EFR3B: variants seen among roughly 807,000 people sequenced by gnomAD.
EFR3B encodes EFR3 homolog B.
In EFR3B, 64 loss-of-function variants were observed where a neutral mutation model predicts 104.7. That is an observed-to-expected ratio of 0.61 (90% confidence interval 0.50 to 0.75). The LOEUF is 0.75. Ranked by LOEUF, EFR3B falls within the 30% of genes least tolerant of loss-of-function variation. The pLI is 0.00. For synonymous variants in EFR3B, 385 were observed against 417.9 expected, an observed-to-expected ratio of 0.92 and a Z score of 0.96; for missense variants, 750 against 1,078.5, an observed-to-expected ratio of 0.70 and a Z score of 4.27.
intron 1 of EFR3B, chr2:25,081,758 T>A (rs1408831981): frequency 6.8e-6 from 3 of 440,400 alleles, no homozygotes; most frequent in Non-Finnish European, 1.2e-5. Context: ...TTTTAGATTT[T>A]AAAATCAGTG....
At chr2:25,111,871 C>T (rs1464283958) in intron 4 of EFR3B, among the ~76,000 whole-genome samples, 1 of 152,202 alleles carries the variant, frequency 6.6e-6, no homozygotes, top group Non-Finnish European at 1.5e-5. Context: ...TCCCCAGAAC[C>T]CCCAGAAGGA....
At chr2:25,062,752 C>T (rs1007089917) in intron 1 of EFR3B, among the ~76,000 whole-genome samples, 1 of 152,208 alleles carries the variant, frequency 6.6e-6, no homozygotes, top group African/African-American at 2.4e-5. Flanking sequence ...GAGGCCCATA[C>T]GGCAGGGCCA....
At chr2:25,132,178 T>C (rs1338463984) in intron 10 of EFR3B, among the ~76,000 whole-genome samples, 1 of 152,172 alleles carries the variant, frequency 6.6e-6, no homozygotes. Context: ...TTCACGGACC[T>C]CGGAGAGAAT....
intron 4 of EFR3B, among the ~76,000 whole-genome samples, chr2:25,104,563 G>C (rs1275211646): frequency 1.3e-5 from 2 of 152,180 alleles, no homozygotes; most frequent in Non-Finnish European, 2.9e-5. Flanking sequence ...GCTTTCTTTT[G>C]AGGGCAGGAA....
In EFR3B at chr2:25,042,159, C is replaced by A; in HGVS notation, c.-154C>A. On this transcript the variant is annotated 5_prime_UTR_variant, in exon 1 of 23. Coordinates refer to ENST00000403714, the MANE Select transcript of EFR3B (RefSeq NM_014971.2). The surrounding 1 kb of genome is among the most constrained non-coding windows in gnomAD (Gnocchi z 5.4). ...GCGGCGCCCGGCTCCGTCCTGCCCG[C>A]GGCCGGCCCCCGCGTCTGCTCCCTC... The A allele has an allele frequency of 2.9e-6, 2 of 689,238 alleles. No homozygotes were observed. The highest frequency in any genetic ancestry group is 4.0e-6 in the Non-Finnish European group (2 of 506,310). 42.7% of individuals were successfully genotyped at this position (689,238 alleles called of 1,614,324 possible).
chr2:25,109,117 T>C (rs1669648893), intron 4 of EFR3B, among the ~76,000 whole-genome samples: 2 of 151,798 alleles, frequency 1.3e-5, no homozygotes, highest in African/African-American at 4.8e-5. Flanking sequence ...ACCAATCATA[T>C]ATCTAATAAG....
intron 1 of EFR3B, chr2:25,079,883 A>G: frequency 2.3e-6 from 3 of 1,281,610 alleles, no homozygotes; most frequent in East Asian, 2.4e-5. Flanking sequence ...ACCTTCAGCC[A>G]TCCTCTGGGT....
chr2:25,156,239 C>T lies in EFR3B; in HGVS notation c.*1899C>T, dbSNP rs1011702433. ...CATAGTTTTGGCACTTCAAATGAAGCTCTTCCTTGTGGTCACCATCTCTGC... is the reference window on the plus strand; with the variant it reads ...CATAGTTTTGGCACTTCAAATGAAGTTCTTCCTTGTGGTCACCATCTCTGC... On this transcript the variant is annotated 3_prime_UTR_variant, in exon 23 of 23. Coordinates refer to ENST00000403714, the MANE Select transcript of EFR3B (RefSeq NM_014971.2). 2.7e-5 allele frequency: 4 copies of T among 150,422 alleles called. No homozygotes were observed. Among genetic ancestry groups the T allele is most frequent in the Non-Finnish European group, 5.9e-5 (4 of 67,844 alleles). 9.3% of individuals were successfully genotyped at this position (150,422 alleles called of 1,614,324 possible).
At chr2:25,082,633 T>C (rs1435570932) in intron 1 of EFR3B, among the ~76,000 whole-genome samples, 1 of 152,176 alleles carries the variant, frequency 6.6e-6, no homozygotes, top group Non-Finnish European at 1.5e-5. Context: ...GCTTTTCTGC[T>C]CGATCACACT....
intron 1 of EFR3B, among the ~76,000 whole-genome samples, chr2:25,062,247 C>T (rs958059483): frequency 3.9e-5 from 6 of 152,120 alleles, no homozygotes; most frequent in Non-Finnish European, 5.9e-5. Flanking sequence ...TGTAAGAATA[C>T]ATGCAAAAAC....
At position 25,104,214 on chromosome 2, in the gene EFR3B, A is replaced by G. The variant is rs572776669; in HGVS notation, c.363+427A>G. Among the ~76,000 whole-genome samples the G allele has an allele frequency of 3.2e-4, 49 of 152,004 alleles. No individual in the cohort carries two copies. In the South Asian group the frequency reaches 1.0e-2, roughly 31 times the overall value. ...AATACAAAAAAAAACAAAAACAAAAATTAGCCGGATGTCATGGCACACACC... is the reference window on the plus strand; with the variant it reads ...AATACAAAAAAAAACAAAAACAAAAGTTAGCCGGATGTCATGGCACACACC... On this transcript the variant is annotated intron_variant, in intron 4 of 22. Coordinates refer to ENST00000403714, the MANE Select transcript of EFR3B (RefSeq NM_014971.2).
At chr2:25,105,972 G>A (rs771838568) in intron 4 of EFR3B, among the ~76,000 whole-genome samples, 4 of 152,250 alleles carry the variant, frequency 2.6e-5, no homozygotes, top group Non-Finnish European at 5.9e-5. Context: ...GCTATTGTCA[G>A]TGAGTTAAGT....
chr2:25,046,006 T>A (rs1049520162), intron 1 of EFR3B, among the ~76,000 whole-genome samples: 2 of 152,160 alleles, frequency 1.3e-5, no homozygotes, highest in Non-Finnish European at 2.9e-5. Flanking sequence ...CACCTCTGAG[T>A]GCTGCCTCAT....
intron 1 of EFR3B, among the ~76,000 whole-genome samples, chr2:25,083,704 G>A (rs1030307985): frequency 6.6e-6 from 1 of 152,302 alleles, no homozygotes; most frequent in East Asian, 1.9e-4. Flanking sequence ...CCCAGGAAGT[G>A]TGGAGTATTG....
At chr2:25,084,682 C>T (rs1668901956) in intron 1 of EFR3B, among the ~76,000 whole-genome samples, 1 of 152,140 alleles carries the variant, frequency 6.6e-6, no homozygotes, top group Non-Finnish European at 1.5e-5. Flanking sequence ...AGACATCAAT[C>T]AATATATGTA....
At chr2:25,151,534 G>C (rs898074730) in intron 20 of EFR3B, among the ~76,000 whole-genome samples, 3 of 152,144 alleles carry the variant, frequency 2.0e-5, no homozygotes, top group African/African-American at 7.2e-5. Flanking sequence ...GGGATTACAA[G>C]TGTGAGCCAC....
Position 25,114,364 on chromosome 2 carries a change from C to A in EFR3B, c.364-7309C>A, listed in dbSNP as rs1208257265. On this transcript the variant is annotated intron_variant, in intron 4 of 22. Transcript: ENST00000403714. This position sits in a 1 kb window ranked among gnomAD's most constrained non-coding sequence, Gnocchi z 4.0. ...CCAGCCTCAGGGAAGGGAAGCATCT[C>A]CCCACAAGCTGTCAAACCAAGGGAT... Among the ~76,000 whole-genome samples the A allele has an allele frequency of 1.3e-5, 2 of 152,160 alleles. No homozygotes were observed. The highest frequency in any genetic ancestry group is 6.5e-5 in the Admixed American group (1 of 15,288).
chr2:25,119,911 C>T (rs969599470), intron 4 of EFR3B, among the ~76,000 whole-genome samples: 1 of 152,110 alleles, frequency 6.6e-6, no homozygotes, highest in Non-Finnish European at 1.5e-5. Flanking sequence ...TAACTAGATA[C>T]TTTTGGGAAG....
intron 4 of EFR3B, among the ~76,000 whole-genome samples, chr2:25,115,476 T>C (rs1286075785): frequency 2.6e-5 from 4 of 152,232 alleles, no homozygotes; most frequent in African/African-American, 7.2e-5. Flanking sequence ...CATGTTCTGC[T>C]AAACTCACTA....
Sources: gnomAD v4.1 joint callset for allele counts (sites outside exome capture counted in the v4.1 genomes callset) on GRCh38, gnomAD v4.1.1 for gene constraint, Gnocchi (gnomAD v3.1) non-coding constraint, MANE v1.5 for transcripts, NCBI Gene and HGNC (gene_info 2026-07-23, HGNC 2026-07-21) for gene names.